PER3: variants seen among roughly 807,000 people sequenced by gnomAD.
The protein encoded by PER3 is period circadian regulator 3, also known as period circadian protein homolog 3.
In PER3, 107 loss-of-function variants were observed where a neutral mutation model predicts 127.2. The ratio of observed to expected loss-of-function variants is 0.84; its 90% CI spans 0.72 to 0.99. The LOEUF is 0.99. Ranked by LOEUF, PER3 falls within the 50% of genes least tolerant of loss-of-function variation. The probability of loss-of-function intolerance (pLI) is 0.00; values close to 1 mark genes in which losing one functional copy is unlikely to be tolerated. For missense variants in PER3, 1,560 were observed against 1,525.8 expected (o/e 1.02, Z -0.37); for synonymous variants, 618 against 585.8 (o/e 1.05, Z -0.79).
At chr1:7,828,079 A>T (rs1346791408) in intron 18 of PER3, among the ~76,000 whole-genome samples, 2 of 152,144 alleles carry the variant, frequency 1.3e-5, no homozygotes, top group Non-Finnish European at 2.9e-5. Context: ...TTAAGTTTTC[A>T]TGTGAACTGG....
rs200568289 is a variant in PER3 at position 7,842,793 on chromosome 1, C to T, written c.*38C>T. ...ATGAACCTTCATACCCTTTCCAAGA[C>T]GTGTTACACAGACAGACCTTTTTAA... is the stretch of plus-strand genomic sequence containing the variant. On this transcript the variant is annotated 3_prime_UTR_variant, in exon 22 of 22. Transcript: ENST00000377532. 2.3e-5 allele frequency: 37 copies of T among 1,584,654 alleles called. No individual in the cohort carries two copies. The highest frequency in any genetic ancestry group is 1.2e-4 in the Admixed American group (7 of 59,234).
chr1:7,817,388 G>T (rs2097256320), intron 13 of PER3, among the ~76,000 whole-genome samples: 1 of 152,178 alleles, frequency 6.6e-6, no homozygotes, highest in South Asian at 2.1e-4. Context: ...GAAGGGGTGG[G>T]GAAGAACGGA....
At chr1:7,794,922 T>C (rs1282276344) in intron 6 of PER3, among the ~76,000 whole-genome samples, 1 of 151,638 alleles carries the variant, frequency 6.6e-6, no homozygotes, top group East Asian at 1.9e-4. Context: ...TATAATAATA[T>C]GTTCTTTTGT....
chr1:7,815,808 A>G (rs905517192), intron 13 of PER3, among the ~76,000 whole-genome samples: 6 of 150,386 alleles, frequency 4.0e-5, no homozygotes, highest in African/African-American at 1.5e-4. Context: ...ACACGGTGAA[A>G]CTCTGTCTCG....
Position 7,842,700 on chromosome 1 carries a change from C to A in PER3, c.3578C>A (p.Ser1193Ter). Reference protein sequence around the residue: ...QACVTCENEDSADGAATSCGQ... With the variant: ...QACVTCENED ...TGTGTCACTTGTGAAAATGAAGATT[C>A]AGCTGATGGTGCGGCCACATCCTGT... The change falls in exon 22 of 22, where the codon TCA (serine) becomes TAA (stop). Residue 1193 changes from serine to a stop codon, truncating the protein, a stop_gained. Coordinates refer to ENST00000377532, the MANE Select transcript of PER3 (RefSeq NM_001377275.1). LOFTEE classifies it low-confidence loss of function (END_TRUNC). The A allele has an allele frequency of 6.2e-7, 1 of 1,613,386 alleles. No homozygotes were observed. The highest frequency in any genetic ancestry group is 1.1e-5 in the South Asian group (1 of 91,050).
Position 7,784,987 on chromosome 1 carries a change from T to C in PER3, c.110T>C (p.Leu37Ser), listed in dbSNP as rs753466313. ...WSPEFHLQRK[L>S]ADSSHSEQQD... ...CCCGAGTTCCATCTGCAGAGGAAAT[T>C]GGCGGACAGCAGCCACAGGTGACGC... Residue 37 changes from leucine (L) to serine (S), a missense_variant, in exon 2 of 22, where the codon TTG (leucine) becomes TCG (serine). By Grantham distance (145) the Leu-to-Ser change is moderately radical. Transcript: ENST00000377532. The C allele has an allele frequency of 3.2e-6, 5 of 1,568,672 alleles. No homozygotes were observed. The South Asian group carries it at 5.9e-5, about 18-fold the overall frequency.
Position 7,808,986 on chromosome 1 carries a change from A to T in PER3, c.1230A>T (p.Lys410Asn). 1.3e-6 allele frequency: 2 copies of T among 1,497,834 alleles called. No homozygotes were observed. The highest frequency in any genetic ancestry group is 4.5e-5 in the East Asian group (2 of 44,224). 92.8% of individuals were successfully genotyped at this position (1,497,834 alleles called of 1,614,324 possible). A position where few individuals can be genotyped will look rare whatever the true frequency, so the allele number is the denominator to read the frequency against. The part of the protein sequence containing the change: ...DITELQEQIY[K>N]LLLQPVHVSV... ...CAGAATTACAAGAACAAATTTACAA[A>T]CTTCTCTTACAGGTAAGGTGAGATT... is the stretch of plus-strand genomic sequence containing the variant. Residue 410 changes from lysine to asparagine, a missense_variant, in exon 11 of 22, where the codon AAA becomes AAT. Physicochemically the swap from Lys to Asn is moderately conservative, Grantham distance 94 (BLOSUM62 0). Coordinates refer to ENST00000377532, the MANE Select transcript of PER3 (RefSeq NM_001377275.1).
chr1:7,828,997 G>A (rs867851656), intron 18 of PER3, among the ~76,000 whole-genome samples: 1 of 152,110 alleles, frequency 6.6e-6, no homozygotes, highest in African/African-American at 2.4e-5. Flanking sequence ...AAGTAGTAGT[G>A]CCTTAATATT....
At chr1:7,794,422 G>A (rs1015196380) in intron 6 of PER3, among the ~76,000 whole-genome samples, 2 of 152,148 alleles carry the variant, frequency 1.3e-5, no homozygotes, top group African/African-American at 2.4e-5. Flanking sequence ...GAACCTGGGA[G>A]GTGGAGGTTG....
At chr1:7,809,356 T>C (rs1054362814) in intron 11 of PER3, among the ~76,000 whole-genome samples, 1 of 152,210 alleles carries the variant, frequency 6.6e-6, no homozygotes, top group Non-Finnish European at 1.5e-5. Flanking sequence ...TCAGTTTCTC[T>C]TAACTATTGT....
chr1:7,811,501 G>A (rs964540454), intron 13 of PER3: 13 of 152,432 alleles, frequency 8.5e-5, no homozygotes, highest in East Asian at 3.9e-4. Context: ...TTTTGGAGGC[G>A]AGGAAGTCCA....
At chr1:7,787,868 A>T (rs1166356758) in intron 4 of PER3, 177 bp from the exon 5 acceptor site, 1 of 607,104 alleles carries the variant, frequency 1.6e-6, no homozygotes, top group Non-Finnish European at 2.9e-6. Context: ...AGGTCTTAGG[A>T]GAAGATTTAA....
chr1:7,803,764 T>A lies in PER3; in HGVS notation c.1052T>A (p.Ile351Asn). The change falls in exon 10 of 22, where the codon ATC becomes AAC. Residue 351 changes from isoleucine (I) to asparagine (N), a missense_variant. Physicochemically the swap from Ile to Asn is moderately radical, Grantham distance 149 (BLOSUM62 -3). Around this residue, in one of 3 missense-constraint regions of PER3, gnomAD observed 1,332 missense variants for 1,223.6 expected, o/e 1.09. Transcript: ENST00000377532. ...IRFCTQNGDY[I>N]ILDSSWSSFV... ...TTTTGTACTCAAAACGGAGACTACA[T>A]CATACTGGATTCCAGTTGGTCCAGC... 1 of 1,611,742 alleles carries A rather than the reference T, an allele frequency of 6.2e-7. No homozygotes were observed. Among genetic ancestry groups the A allele is most frequent in the Non-Finnish European group, 8.5e-7 (1 of 1,177,796 alleles).
intron 13 of PER3, among the ~76,000 whole-genome samples, chr1:7,817,383 G>C (rs1044780988): frequency 6.6e-6 from 1 of 152,170 alleles, no homozygotes; most frequent in African/African-American, 2.4e-5. Flanking sequence ...ACACGGAAGG[G>C]GTGGGGAAGA....
intron 18 of PER3, among the ~76,000 whole-genome samples, 155 bp downstream of exon 18, chr1:7,827,970 A>C (rs1329002997): frequency 2.0e-5 from 3 of 152,214 alleles, no homozygotes; most frequent in South Asian, 2.1e-4. Context: ...TAAACATGAA[A>C]CACATCTGCC....
In PER3 at chr1:7,803,867, A is replaced by T. The variant is rs182583917; in HGVS notation, c.1136+19A>T. On this transcript the variant is annotated intron_variant, in intron 10 of 21. Coordinates refer to ENST00000377532, the MANE Select transcript of PER3 (RefSeq NM_001377275.1). ...TTCGAACGTAAGCCAGTCAGTTTTC[A>T]TATTTTCTAAAACATCTCTTGTATC... 1.9e-5 allele frequency: 30 copies of T among 1,598,346 alleles called. No individual in the cohort carries two copies. In the African/African-American group the frequency reaches 3.5e-4, roughly 19 times the overall value.
chr1:7,842,798 TACAC>T lies in PER3; in HGVS notation c.*45_*48del. On this transcript the variant is annotated 3_prime_UTR_variant, in exon 22 of 22. Transcript: ENST00000377532. ...CCTTCATACCCTTTCCAAGACGTGT[TACAC>T]AGACAGACCTTTTTAAGTCCTGGAC... 1 of 1,570,400 alleles carries T rather than the reference TACAC, an allele frequency of 6.4e-7. No individual in the cohort carries two copies.
At chr1:7,815,972 G>A (rs947686722) in intron 13 of PER3, among the ~76,000 whole-genome samples, 11 of 107,192 alleles carry the variant, frequency 1.0e-4, no homozygotes, top group Admixed American at 3.3e-4. Context: ...CAGCCTGGGC[G>A]ACAGAGCGGA....
chr1:7,834,495 AC>A (rs2151248397), intron 19 of PER3, among the ~76,000 whole-genome samples: 1 of 152,258 alleles, frequency 6.6e-6, no homozygotes, highest in Admixed American at 6.5e-5. Flanking sequence ...TCACTCTGTT[AC>A]CCAGGCTAGA....
Sources: gnomAD v4.1 joint callset for allele counts (sites outside exome capture counted in the v4.1 genomes callset) on GRCh38, gnomAD v4.1.1 for gene constraint, gnomAD v4.1.1 regional missense constraint, MANE v1.5 for transcripts, NCBI Gene and HGNC (gene_info 2026-07-23, HGNC 2026-07-21) for gene names.